Variants in UNC13A observed in about 807,000 individuals in gnomAD.
UNC13A encodes protein unc-13 homolog A.
In UNC13A, 61 loss-of-function variants were observed where a neutral mutation model predicts 219.7. The observed-to-expected ratio is 0.28, with a 90% CI of 0.23 to 0.34. UNC13A has a LOEUF of 0.34. UNC13A is among the 10% of genes least tolerant of loss of function. UNC13A has a pLI of 1.00. For missense variants in UNC13A, 1,476 were observed against 2,270.3 expected (o/e 0.65, Z 7.11); for synonymous variants, 920 against 884.6 (o/e 1.04, Z -0.71).
intron 27 of UNC13A, 79 bp from the exon 28 acceptor site, chr19:17,632,987 C>T: frequency 3.1e-6 from 5 of 1,608,690 alleles, no homozygotes; most frequent in Non-Finnish European, 4.2e-6. Context: ...CCTACTCTGG[C>T]CATCACTGAT....
intron 2 of UNC13A, among the ~76,000 whole-genome samples, chr19:17,675,096 G>A (rs116264145): frequency 0.016 from 2,409 of 152,288 alleles, 62 homozygotes; most frequent in African/African-American, 0.056. Context: ...GGGAGGTCAA[G>A]GGGGGAGGAT....
At chr19:17,672,267 A>G (rs1209932296) in intron 4 of UNC13A, 111 bp downstream of exon 4, 4 of 849,418 alleles carry the variant, frequency 4.7e-6, no homozygotes, top group Non-Finnish European at 7.6e-6. Flanking sequence ...AAGTGTCTAC[A>G]TTGATGTTGT....
chr19:17,647,357 A>T lies in UNC13A; in HGVS notation c.1952T>A (p.Val651Glu), dbSNP rs2077038648. 6.2e-7 allele frequency: 1 copy of T among 1,613,464 alleles called. No homozygotes were observed. The highest frequency in any genetic ancestry group is 8.5e-7 in the Non-Finnish European group (1 of 1,179,764). Residue 651 changes from valine (V) to glutamate (E), a missense_variant, in exon 17 of 44, where the codon GTG becomes GAG. Val to Glu is a moderately radical substitution (Grantham distance 121). This residue lies in a region of UNC13A where 34 missense variants were observed against 38.7 expected (regional missense o/e 0.88). Coordinates refer to ENST00000519716, the MANE Select transcript of UNC13A (RefSeq NM_001080421.3). ...IFELIQEIFA[V>E]TKTAHTQQMK... is the part of the protein sequence containing the mutation. ...CTGCTGCGTGTGCGCCGTCTTGGTC[A>T]CCGCGAAGATCTCCTGGATGAGCTC... is the stretch of plus-strand genomic sequence containing the variant.
rs1236939062 is a variant in UNC13A at position 17,648,553 on chromosome 19, G to A, written c.1694C>T (p.Thr565Ile). The A allele has an allele frequency of 6.2e-7, 1 of 1,613,968 alleles. No individual in the cohort carries two copies. Among genetic ancestry groups the A allele is most frequent in the Non-Finnish European group, 8.5e-7 (1 of 1,180,020 alleles). ...CAGCCCCTCGCACTCGTAGCAGTAGGTGGGCGTGGTGGCCGTCCACACTTC... is the reference window on the plus strand; with the variant it reads ...CAGCCCCTCGCACTCGTAGCAGTAGATGGGCGTGGTGGCCGTCCACACTTC... ...NFEVWTATTP[T>I]YCYECEGLLW... Residue 565 changes from threonine to isoleucine, a missense_variant, in exon 16 of 44, where the codon ACC becomes ATC. Physicochemically the swap from Thr to Ile is moderately conservative, Grantham distance 89 (BLOSUM62 -1). Transcript: ENST00000519716.
chr19:17,664,879 G>T (rs2079613066), intron 7 of UNC13A, among the ~76,000 whole-genome samples: 1 of 152,174 alleles, frequency 6.6e-6, no homozygotes. Context: ...AGAGCTGTGA[G>T]AGGGGAGAAA....
At chr19:17,619,095 A>G in intron 38 of UNC13A, 133 bp from the exon 39 acceptor site, 1 of 807,370 alleles carries the variant, frequency 1.2e-6, no homozygotes, top group Non-Finnish European at 2.0e-6. Context: ...AGAGGTCTGG[A>G]ATTCCCCAGG....
At chr19:17,632,511 A>T (rs573421654) in intron 28 of UNC13A, among the ~76,000 whole-genome samples, 1 of 152,322 alleles carries the variant, frequency 6.6e-6, no homozygotes, top group South Asian at 2.1e-4. Context: ...TCCTCCGCAA[A>T]ATAGGAATTA....
At chr19:17,637,464 AT>A (rs1403250533) in intron 25 of UNC13A, among the ~76,000 whole-genome samples, 3 of 151,658 alleles carry the variant, frequency 2.0e-5, no homozygotes, top group Non-Finnish European at 4.4e-5. Context: ...CGCCCGGCTA[AT>A]TTTTTTGTAT....
intron 1 of UNC13A, among the ~76,000 whole-genome samples, chr19:17,684,276 G>C (rs1237437540): frequency 9.9e-5 from 15 of 151,990 alleles, no homozygotes; most frequent in Admixed American, 9.8e-4. Flanking sequence ...CAAGTAAATG[G>C]TGGTGGTGGA....
intron 11 of UNC13A, among the ~76,000 whole-genome samples, chr19:17,653,018 C>T (rs925489500): frequency 1.3e-5 from 2 of 152,106 alleles, no homozygotes; most frequent in Non-Finnish European, 2.9e-5. Context: ...TACCTCTTCC[C>T]ACCTTCTGCA....
chr19:17,647,339 G>C lies in UNC13A; in HGVS notation c.1970C>G (p.Thr657Arg). 1.9e-6 allele frequency: 3 copies of C among 1,612,710 alleles called. No individual in the cohort carries two copies. Among genetic ancestry groups the C allele is most frequent in the Non-Finnish European group, 2.5e-6 (3 of 1,179,522 alleles). ...CTGCTTGACCGCCTTCATCTGCTGC[G>C]TGTGCGCCGTCTTGGTCACCGCGAA... Reference protein sequence around the residue: ...EIFAVTKTAHTQQMKAVKQSV... With the variant: ...EIFAVTKTAHRQQMKAVKQSV... The change falls in exon 17 of 44, where the codon ACG becomes AGG. Residue 657 changes from threonine to arginine, a missense_variant. This residue lies in a region of UNC13A where 34 missense variants were observed against 38.7 expected (regional missense o/e 0.88). Coordinates refer to ENST00000519716, the MANE Select transcript of UNC13A (RefSeq NM_001080421.3).
Position 17,604,393 on chromosome 19 carries a change from C to T in UNC13A, c.*1661G>A, listed in dbSNP as rs113552231. On this transcript the variant is annotated 3_prime_UTR_variant, in exon 44 of 44. Coordinates refer to ENST00000519716, the MANE Select transcript of UNC13A (RefSeq NM_001080421.3). ...TCCCCCTTGCTGGCTCAGCTCCAGC[C>T]GTGCCACCCTTCTCGTTGTTTCAAC... is the stretch of plus-strand genomic sequence containing the variant. 6.0e-3 allele frequency: 917 copies of T among 152,446 alleles called. 4 individuals are homozygous for T. Among genetic ancestry groups the T allele is most frequent in the Non-Finnish European group, 8.4e-3 (571 of 68,138 alleles). The allele number at this position is 152,446 out of a possible 1,614,324, so 9.4% of individuals were successfully genotyped here. A position where few individuals can be genotyped will look rare whatever the true frequency, so the allele number is the denominator to read the frequency against.
chr19:17,671,172 G>C (rs1295958800), intron 4 of UNC13A, among the ~76,000 whole-genome samples: 2 of 152,094 alleles, frequency 1.3e-5, no homozygotes, highest in Non-Finnish European at 2.9e-5. Context: ...GATCTAGAGA[G>C]AAGTCAGAGA....
rs1350686375 is a variant in UNC13A, at chr19:17,648,527, G to A, written c.1720C>T (p.Leu574=). The A allele has an allele frequency of 1.2e-6, 2 of 1,613,932 alleles. No individual in the cohort carries two copies. The highest frequency in any genetic ancestry group is 3.3e-5 in the Admixed American group (2 of 60,026). Residue 574 remains leucine (L), a synonymous_variant, in exon 16 of 44, where the codon CTG becomes TTG. Transcript: ENST00000519716. ...PTYCYECEGL[L]WGIARQGMRC... ...ATGCCCTGCCTCGCGATGCCCCACA[G>A]CAGCCCCTCGCACTCGTAGCAGTAG... is the stretch of plus-strand genomic sequence containing the variant.
intron 36 of UNC13A, 102 bp from the exon 37 acceptor site, chr19:17,621,972 G>A: frequency 8.4e-7 from 1 of 1,193,084 alleles, no homozygotes; most frequent in Non-Finnish European, 1.3e-6. Flanking sequence ...AATCCACACT[G>A]CACAGGGTAC....
chr19:17,611,648 T>G, intron 42 of UNC13A, 115 bp downstream of exon 42: 1 of 957,128 alleles, frequency 1.0e-6, no homozygotes, highest in South Asian at 1.7e-5. Context: ...CTTTGGACGT[T>G]TCCGTTTCAT....
intron 1 of UNC13A, among the ~76,000 whole-genome samples, chr19:17,685,498 T>C (rs1048377591): frequency 4.6e-5 from 7 of 152,150 alleles, no homozygotes; most frequent in African/African-American, 1.7e-4. Flanking sequence ...CGCGCTCGGC[T>C]GGACATGGGT....
chr19:17,624,607 C>T (rs1321516024), intron 35 of UNC13A, among the ~76,000 whole-genome samples: 1 of 152,146 alleles, frequency 6.6e-6, no homozygotes, highest in Non-Finnish European at 1.5e-5. Flanking sequence ...ACCTCTTTAA[C>T]TCTTCGATGA....
chr19:17,618,846 T>G, intron 39 of UNC13A, 60 bp downstream of exon 39: 3 of 1,568,366 alleles, frequency 1.9e-6, no homozygotes, highest in Non-Finnish European at 2.6e-6. Context: ...GGTGGCAACC[T>G]GGAAGCCACA....
Sources: gnomAD v4.1 joint callset for allele counts (sites outside exome capture counted in the v4.1 genomes callset) on GRCh38, gnomAD v4.1.1 for gene constraint, gnomAD v4.1.1 regional missense constraint, MANE v1.5 for transcripts, NCBI Gene and HGNC (gene_info 2026-07-23, HGNC 2026-07-21) for gene names.